Variants in CDK8 observed in about 807,000 individuals in gnomAD.
CDK8 encodes cyclin-dependent kinase 8.
Under a neutral mutation model 71.5 loss-of-function variants are expected in CDK8, and 29 were observed. The observed-to-expected ratio is 0.41, with a 90% confidence interval of 0.30 to 0.55. The LOEUF is 0.55. Ranked by LOEUF, CDK8 falls within the 20% of genes least tolerant of loss-of-function variation. The pLI is 0.37. For missense variants in CDK8, 288 were observed against 572.6 expected (o/e 0.50, Z 5.07); for synonymous variants, 161 against 192.1 (o/e 0.84, Z 1.34).
chr13:26,387,649 C>T (rs1363769036), intron 6 of CDK8, among the ~76,000 whole-genome samples: 2 of 152,146 alleles, frequency 1.3e-5, no homozygotes, highest in Non-Finnish European at 2.9e-5. Flanking sequence ...ACAAAATCTT[C>T]GCAGCATTGT....
intron 1 of CDK8, among the ~76,000 whole-genome samples, chr13:26,279,126 C>T (rs535506950): frequency 2.6e-5 from 4 of 151,370 alleles, no homozygotes; most frequent in South Asian, 2.1e-4. Flanking sequence ...CCCGTGAATC[C>T]ATCTCGATAG....
At chr13:26,355,531 T>C (rs1007715700) in intron 4 of CDK8, among the ~76,000 whole-genome samples, 5 of 152,128 alleles carry the variant, frequency 3.3e-5, no homozygotes, top group African/African-American at 1.2e-4. Context: ...AGAGAATTAC[T>C]TGAACGCAGG....
chr13:26,374,060 G>T (rs913626465), intron 4 of CDK8, among the ~76,000 whole-genome samples: 3 of 151,190 alleles, frequency 2.0e-5, no homozygotes, highest in Admixed American at 6.6e-5. Context: ...AATTAGCTGG[G>T]CGTGGTGGTG....
chr13:26,356,879 C>T (rs1873921346), intron 4 of CDK8, among the ~76,000 whole-genome samples: 1 of 152,104 alleles, frequency 6.6e-6, no homozygotes, highest in Non-Finnish European at 1.5e-5. Context: ...AGATTTAGAT[C>T]AAATGTGATA....
rs79304718 is a variant in CDK8, at chr13:26,386,197, C to A, written c.646+855C>A. Among the ~76,000 whole-genome samples the A allele has an allele frequency of 5.4e-3, 829 of 152,274 alleles. 6 individuals are homozygous for A. Among genetic ancestry groups the A allele is most frequent in the Middle Eastern group, 0.031 (9 of 294 alleles). On this transcript the variant is annotated intron_variant, in intron 6 of 12. Coordinates refer to ENST00000381527, the MANE Select transcript of CDK8 (RefSeq NM_001260.3). Reference sequence around the variant, plus strand: ...ATTAGTAATATCTTCATCACTTTGTCAATGTTGACATTGTTTTGTTTGCTA... The same window carrying A: ...ATTAGTAATATCTTCATCACTTTGTAAATGTTGACATTGTTTTGTTTGCTA...
intron 4 of CDK8, among the ~76,000 whole-genome samples, chr13:26,369,411 T>C (rs1268678527): frequency 8.2e-6 from 1 of 122,444 alleles, no homozygotes; most frequent in Non-Finnish European, 1.6e-5. Context: ...ATCGCACCAC[T>C]GCACTCCAGC....
At position 26,298,883 on chromosome 13, in the gene CDK8, C is replaced by T. The variant is rs545219237; in HGVS notation, c.129-38684C>T. ...TATACAGTTTTATGCAAAAAATTTCCGAGGTTCCATTCAGGATCTCTGATG... is the reference window on the plus strand; with the variant it reads ...TATACAGTTTTATGCAAAAAATTTCTGAGGTTCCATTCAGGATCTCTGATG... On this transcript the variant is annotated intron_variant, in intron 1 of 12. Transcript: ENST00000381527. Among the ~76,000 whole-genome samples the T allele has an allele frequency of 5.9e-5, 9 of 152,114 alleles. No homozygotes were observed. In the South Asian group the frequency reaches 1.9e-3, roughly 32 times the overall value.
chr13:26,385,691 C>T (rs950085632), intron 6 of CDK8, among the ~76,000 whole-genome samples: 7 of 152,012 alleles, frequency 4.6e-5, no homozygotes, highest in Admixed American at 3.9e-4. Flanking sequence ...GAGTCATGAT[C>T]GCACCACTCT....
At chr13:26,335,977 G>T (rs547445006) in intron 1 of CDK8, among the ~76,000 whole-genome samples, 1 of 152,054 alleles carries the variant, frequency 6.6e-6, no homozygotes, top group African/African-American at 2.4e-5. Context: ...TGCCCTTCTT[G>T]TTGTTCTTGG....
intron 4 of CDK8, chr13:26,358,998 G>A: frequency 3.4e-6 from 1 of 290,184 alleles, no homozygotes; most frequent in Non-Finnish European, 6.9e-6. Context: ...CTGCACTTCA[G>A]CCTGGGCAAC....
chr13:26,291,150 T>G (rs2137901644), intron 1 of CDK8, among the ~76,000 whole-genome samples: 1 of 151,480 alleles, frequency 6.6e-6, no homozygotes, highest in South Asian at 2.1e-4. Context: ...CATGTTTAGG[T>G]ACACAAATAC....
chr13:26,291,100 CAGAGTG>C (rs1873275714), intron 1 of CDK8, among the ~76,000 whole-genome samples: 1 of 149,426 alleles, frequency 6.7e-6, no homozygotes, highest in African/African-American at 2.5e-5. Context: ...GCCTGGGTGA[CAGAGTG>C]AGCCTCCATC....
intron 4 of CDK8, among the ~76,000 whole-genome samples, chr13:26,354,668 C>T (rs4770972): frequency 0.83 from 125,740 of 152,026 alleles, 53,759 homozygotes; most frequent in East Asian, 0.99. Flanking sequence ...CTAGATTGCA[C>T]GCTCCTTATG....
At chr13:26,391,100 A>G (rs1304730087) in intron 6 of CDK8, among the ~76,000 whole-genome samples, 1 of 152,014 alleles carries the variant, frequency 6.6e-6, no homozygotes, top group East Asian at 1.9e-4. Flanking sequence ...AGAGTTAATG[A>G]TTAATGTATG....
chr13:26,266,638 T>C (rs919029760), intron 1 of CDK8, among the ~76,000 whole-genome samples: 2 of 152,124 alleles, frequency 1.3e-5, no homozygotes, highest in Non-Finnish European at 2.9e-5. Context: ...AAATAAAACT[T>C]CAGCTAAAGA....
Position 26,404,200 on chromosome 13 carries a change from TC to T in CDK8, c.*121del. 1 of 1,198,004 alleles carries T rather than the reference TC, an allele frequency of 8.3e-7. No homozygotes were observed. Among genetic ancestry groups the T allele is most frequent in the Non-Finnish European group, 1.2e-6 (1 of 867,152 alleles). 74.2% of individuals were successfully genotyped at this position (1,198,004 alleles called of 1,614,324 possible). On this transcript the variant is annotated 3_prime_UTR_variant, in exon 13 of 13. Transcript: ENST00000381527. ...ACTGTACAACCACATCTTCAAAATGTCCAGTAGCCAAGTTCCACCACTTTTC... is the reference window on the plus strand; with the variant it reads ...ACTGTACAACCACATCTTCAAAATGTCAGTAGCCAAGTTCCACCACTTTTC...
intron 1 of CDK8, among the ~76,000 whole-genome samples, chr13:26,288,773 G>T (rs921259500): frequency 6.6e-6 from 1 of 151,932 alleles, no homozygotes. Context: ...TTTTTGGGTT[G>T]ATTTTAGACA....
At chr13:26,302,934 G>A (rs936081328) in intron 1 of CDK8, among the ~76,000 whole-genome samples, 1 of 152,124 alleles carries the variant, frequency 6.6e-6, no homozygotes, top group East Asian at 1.9e-4. Context: ...TTGAACTCCT[G>A]GGCTCAAGCG....
intron 2 of CDK8, among the ~76,000 whole-genome samples, chr13:26,341,996 C>T (rs1379512000): frequency 6.6e-6 from 1 of 152,176 alleles, no homozygotes; most frequent in East Asian, 1.9e-4. Flanking sequence ...TCTCGGCTCA[C>T]TGCAACCTCC....
Sources: gnomAD v4.1 joint callset for allele counts (sites outside exome capture counted in the v4.1 genomes callset) on GRCh38, gnomAD v4.1.1 for gene constraint, MANE v1.5 for transcripts, NCBI Gene and HGNC (gene_info 2026-07-23, HGNC 2026-07-21) for gene names.